Variants in ANKRD42 observed in about 807,000 individuals in gnomAD.
ANKRD42 encodes ankyrin repeat domain 42.
In ANKRD42, 43 loss-of-function variants were observed where a neutral mutation model predicts 51.5. The ratio of observed to expected loss-of-function variants is 0.83; its 90% confidence interval spans 0.65 to 1.08. The LOEUF is 1.08. Ranked by LOEUF, ANKRD42 falls within the 50% of genes least tolerant of loss-of-function variation. The pLI, the probability that ANKRD42 is intolerant of heterozygous loss-of-function variation, is 0.00. For synonymous variants in ANKRD42, 203 were observed against 213.0 expected (o/e 0.95, Z 0.41); for missense variants, 608 against 629.3 (o/e 0.97, Z 0.36).
chr11:83,261,866 T>G (rs1236788567), downstream of ANKRD42: 2 of 1,376,034 alleles, frequency 1.5e-6, no homozygotes. Flanking sequence ...TCTCCCGGTT[T>G]GGTGTTCTAA....
intron 2 of ANKRD42, among the ~76,000 whole-genome samples, chr11:83,201,281 A>G (rs758201733): frequency 6.6e-6 from 1 of 152,198 alleles, no homozygotes; most frequent in African/African-American, 2.4e-5. Context: ...TAGTTTGCTA[A>G]GAATGGTGGT....
chr11:83,256,144 T>C (rs1033558450), downstream of ANKRD42: 4 of 354,504 alleles, frequency 1.1e-5, no homozygotes, highest in Non-Finnish European at 2.0e-5. Context: ...TTCTTATATA[T>C]CTCTACACAG....
intron 1 of ANKRD42, among the ~76,000 whole-genome samples, chr11:83,197,854 A>G (rs558469143): frequency 1.3e-5 from 2 of 152,358 alleles, no homozygotes; most frequent in East Asian, 3.9e-4. Flanking sequence ...ATATATTTGC[A>G]TGTATGAGAT....
intron 5 of ANKRD42, chr11:83,212,992 C>T (rs1486434996): frequency 6.3e-7 from 1 of 1,598,780 alleles, no homozygotes; most frequent in East Asian, 2.2e-5. Flanking sequence ...GCAGCCATCT[C>T]CTCCTCAGCA....
intron 8 of ANKRD42, among the ~76,000 whole-genome samples, chr11:83,236,877 T>G (rs1184550163): frequency 6.6e-6 from 1 of 152,236 alleles, no homozygotes; most frequent in Non-Finnish European, 1.5e-5. Context: ...GCCTGTAGCA[T>G]TCCCTGTTAA....
At position 83,193,836 on chromosome 11, in the gene ANKRD42, A is replaced by G. The variant is rs1175304776; in HGVS notation, c.-835A>G. 1 of 455,662 alleles carries G rather than the reference A, an allele frequency of 2.2e-6. No homozygotes were observed. The highest frequency in any genetic ancestry group is 7.0e-5 in the East Asian group (1 of 14,360). The allele number at this position is 455,662 out of a possible 1,614,324, so 28.2% of individuals were successfully genotyped here. On this transcript the variant is annotated 5_prime_UTR_variant, in exon 1 of 11. Coordinates refer to ENST00000533342, the MANE Select transcript of ANKRD42 (RefSeq NM_001300975.2). ...GCCGCTACGGCGATTCGCAGGGAGTAGCAGACGAAGACGGTGGCCGCCGCA... is the reference window on the plus strand; with the variant it reads ...GCCGCTACGGCGATTCGCAGGGAGTGGCAGACGAAGACGGTGGCCGCCGCA...
intron 7 of ANKRD42, among the ~76,000 whole-genome samples, chr11:83,232,902 A>T (rs1335636653): frequency 3.3e-5 from 5 of 152,196 alleles, no homozygotes; most frequent in Non-Finnish European, 7.3e-5. Flanking sequence ...GCATATGTTG[A>T]ATCATCGGTG....
intron 1 of ANKRD42, among the ~76,000 whole-genome samples, chr11:83,197,226 A>G (rs558724904): frequency 2.0e-5 from 3 of 151,628 alleles, no homozygotes; most frequent in Admixed American, 2.0e-4. Context: ...TTTTACCTGT[A>G]CTCTCTGAGG....
intron 9 of ANKRD42, among the ~76,000 whole-genome samples, chr11:83,242,097 T>G (rs1863403242): frequency 6.6e-6 from 1 of 152,178 alleles, no homozygotes; most frequent in Non-Finnish European, 1.5e-5. Flanking sequence ...TGCTTCCACC[T>G]TTTCATATTA....
At chr11:83,232,593 C>G (rs1863105671) in intron 7 of ANKRD42, among the ~76,000 whole-genome samples, 1 of 151,974 alleles carries the variant, frequency 6.6e-6, no homozygotes, top group Non-Finnish European at 1.5e-5. Flanking sequence ...GTTTCTTTCT[C>G]TTGTCTTATT....
chr11:83,233,056 CTT>C (rs1472747662), intron 7 of ANKRD42, among the ~76,000 whole-genome samples: 1 of 151,922 alleles, frequency 6.6e-6, no homozygotes, highest in African/African-American at 2.4e-5. Context: ...TTTGATGTGT[CTT>C]TGTCTGATTT....
At chr11:83,212,378 G>A (rs552345062) in intron 5 of ANKRD42, among the ~76,000 whole-genome samples, 1 of 152,208 alleles carries the variant, frequency 6.6e-6, no homozygotes, top group South Asian at 2.1e-4. Context: ...ACCATGCCTG[G>A]CCCAACTTTT....
chr11:83,241,129 C>G (rs1863373766), intron 9 of ANKRD42, among the ~76,000 whole-genome samples, 195 bp downstream of exon 9: 1 of 152,180 alleles, frequency 6.6e-6, no homozygotes, highest in Non-Finnish European at 1.5e-5. Context: ...GACATAATCT[C>G]TGTCCCTCAG....
In ANKRD42 at chr11:83,248,677, A is replaced by C; in HGVS notation, c.*473A>C. Reference sequence around the variant, plus strand: ...TTCCTGGCTTCTTTTTATTTTGCACAAACTAGTCATTGGTCTCTTTAATAA... The same window carrying C: ...TTCCTGGCTTCTTTTTATTTTGCACCAACTAGTCATTGGTCTCTTTAATAA... On this transcript the variant is annotated 3_prime_UTR_variant, in exon 11 of 11. Transcript: ENST00000533342. 1.0e-6 allele frequency: 1 copy of C among 981,498 alleles called. No individual in the cohort carries two copies. The highest frequency in any genetic ancestry group is 1.2e-6 in the Non-Finnish European group (1 of 826,398). The allele number at this position is 981,498 out of a possible 1,614,324, so 60.8% of individuals were successfully genotyped here. A position where few individuals can be genotyped will look rare whatever the true frequency, so the allele number is the denominator to read the frequency against.
chr11:83,261,657 C>A, downstream of ANKRD42: 1 of 286,538 alleles, frequency 3.5e-6, no homozygotes, highest in Non-Finnish European at 6.5e-6. Context: ...ATCAAAAGGA[C>A]AAAATGCTCT....
At chr11:83,253,005 T>C (rs1184886290), downstream of ANKRD42, among the ~76,000 whole-genome samples, 1 of 152,202 alleles carries the variant, frequency 6.6e-6, no homozygotes, top group Non-Finnish European at 1.5e-5. Context: ...CTTTGGGCCA[T>C]GTTTGCTAAT....
chr11:83,219,399 C>A (rs961647952), intron 5 of ANKRD42, among the ~76,000 whole-genome samples: 1 of 152,324 alleles, frequency 6.6e-6, no homozygotes, highest in East Asian at 1.9e-4. Context: ...CTGATGCTTG[C>A]ATGCTAAGGA....
chr11:83,256,189 A>G (rs1591017789), downstream of ANKRD42: 1 of 234,878 alleles, frequency 4.3e-6, no homozygotes, highest in Non-Finnish European at 8.2e-6. Flanking sequence ...TTAATTTTAC[A>G]AGTATTCACA....
chr11:83,257,303 G>C (rs1326477687), downstream of ANKRD42: 2 of 455,966 alleles, frequency 4.4e-6, no homozygotes, highest in Non-Finnish European at 4.4e-6. Flanking sequence ...ACCAGCGACA[G>C]ATCTTCAGGG....
Sources: gnomAD v4.1 joint callset for allele counts (sites outside exome capture counted in the v4.1 genomes callset) on GRCh38, gnomAD v4.1.1 for gene constraint, MANE v1.5 for transcripts, NCBI Gene and HGNC (gene_info 2026-07-23, HGNC 2026-07-21) for gene names.